ZMYM5: variants seen among roughly 807,000 people sequenced by gnomAD.
ZMYM5 encodes the protein zinc finger MYM-type containing 5, also known as zinc finger MYM-type protein 5.
In ZMYM5, 41 loss-of-function variants were observed where a neutral mutation model predicts 61.8. The observed-to-expected ratio is 0.66, with a 90% CI of 0.52 to 0.86. The LOEUF (loss-of-function observed/expected upper bound fraction) is 0.86, where lower values mean the gene tolerates loss of function less well. Among genes scored for constraint, ZMYM5 ranks in the 40% least tolerant of loss-of-function variants. The probability of loss-of-function intolerance (pLI) is 0.00; values close to 1 mark genes in which losing one functional copy is unlikely to be tolerated. For missense variants in ZMYM5, 706 were observed against 786.7 expected (o/e 0.90, Z 1.23); for synonymous variants, 257 against 276.4 (o/e 0.93, Z 0.70).
intron 4 of ZMYM5, among the ~76,000 whole-genome samples, chr13:19,849,537 A>T (rs1269188894): frequency 6.6e-6 from 1 of 152,246 alleles, no homozygotes; most frequent in African/African-American, 2.4e-5. Context: ...GATTGAAAGC[A>T]AACAAACCAA....
At chr13:19,833,388 A>C (rs1372835026) in intron 7 of ZMYM5, among the ~76,000 whole-genome samples, 1 of 152,214 alleles carries the variant, frequency 6.6e-6, no homozygotes, top group East Asian at 1.9e-4. Context: ...AATTTGTTAA[A>C]AAATCTTGTT....
At chr13:19,860,446 GTA>G (rs747218264) in intron 2 of ZMYM5, among the ~76,000 whole-genome samples, 10,369 of 124,926 alleles carry the variant, frequency 0.083, 415 homozygotes, top group African/African-American at 0.11. Flanking sequence ...GTGTGTGTGT[GTA>G]TGTGTGTGTG....
chr13:19,862,745 C>T (rs377758011), intron 1 of ZMYM5, among the ~76,000 whole-genome samples: 1 of 152,200 alleles, frequency 6.6e-6, no homozygotes, highest in Admixed American at 6.5e-5. Context: ...GAAGGGTAAA[C>T]GTCGTCTCGA....
Position 19,824,837 on chromosome 13 carries a change from A to C in ZMYM5, c.1650T>G (p.Phe550Leu). ...ACTTCCTCCCTGTATTATCTTTTGG[A>C]AAGTTAAAATTTCTTACTTGAGGCG... ...NVPPQVRNFNFPKDNTGRKFS... is the reference protein window; with the variant it reads ...NVPPQVRNFNLPKDNTGRKFS... Residue 550 changes from phenylalanine to leucine, a missense_variant, in exon 8 of 8, where the codon TTT (phenylalanine) becomes TTG (leucine). Transcript: ENST00000337963. 7.4e-7 allele frequency: 1 copy of C among 1,352,166 alleles called. No individual in the cohort carries two copies. Among genetic ancestry groups the C allele is most frequent in the Non-Finnish European group, 9.9e-7 (1 of 1,013,046 alleles). The allele number at this position is 1,352,166 out of a possible 1,614,324, so 83.8% of individuals were successfully genotyped here.
intron 6 of ZMYM5, chr13:19,837,374 T>C: frequency 7.3e-7 from 1 of 1,363,450 alleles, no homozygotes; most frequent in Non-Finnish European, 9.5e-7. Flanking sequence ...CATTTTTATT[T>C]AATGTCATCA....
chr13:19,853,751 T>C (rs1290733751), intron 2 of ZMYM5, among the ~76,000 whole-genome samples: 1 of 151,856 alleles, frequency 6.6e-6, no homozygotes, highest in Non-Finnish European at 1.5e-5. Context: ...GCTACTATTT[T>C]TTGTATTTTT....
intron 2 of ZMYM5, among the ~76,000 whole-genome samples, chr13:19,859,476 C>T (rs977897512): frequency 1.1e-4 from 17 of 152,202 alleles, no homozygotes; most frequent in Admixed American, 9.2e-4. Context: ...GATCTTGGCT[C>T]ACTGCAAGCT....
At chr13:19,837,117 C>T (rs1051181593) in intron 6 of ZMYM5, among the ~76,000 whole-genome samples, 6 of 151,928 alleles carry the variant, frequency 3.9e-5, no homozygotes, top group South Asian at 2.1e-4. Flanking sequence ...CTGCAGCCTC[C>T]GCCTCCCTGG....
intron 2 of ZMYM5, among the ~76,000 whole-genome samples, chr13:19,855,135 G>C (rs1953456233): frequency 6.6e-6 from 1 of 152,048 alleles, no homozygotes; most frequent in African/African-American, 2.4e-5. Flanking sequence ...TGGGAGAATT[G>C]CTTGAGCCCA....
intron 2 of ZMYM5, among the ~76,000 whole-genome samples, chr13:19,860,874 A>T (rs954754370): frequency 2.1e-5 from 3 of 145,412 alleles, no homozygotes; most frequent in East Asian, 4.2e-4. Context: ...GATAAGGATT[A>T]TATCTCAGGT....
In ZMYM5 at chr13:19,844,137, CAA is replaced by C. The variant is rs1228066138; in HGVS notation, c.587-5154_587-5153del. On this transcript the variant is annotated intron_variant, in intron 4 of 7. Coordinates refer to ENST00000337963, the MANE Select transcript of ZMYM5 (RefSeq NM_001142684.2). The stretch of plus-strand genomic sequence containing the variant: ...TGGGTGACAGAGTGAGACTCCGTCT[CAA>C]AAAAAAAAAAAAAAAAAAATTAGCT... Among the ~76,000 whole-genome samples the C allele has an allele frequency of 7.5e-3, 490 of 65,504 alleles. 1 individual carries two copies. Among genetic ancestry groups the C allele is most frequent in the South Asian group, 0.049 (94 of 1,918 alleles). 43.0% of individuals were successfully genotyped at this position (65,504 alleles called of 152,430 possible).
At chr13:19,837,406 A>G (rs1952706732) in intron 6 of ZMYM5, 3 of 1,484,716 alleles carry the variant, frequency 2.0e-6, no homozygotes, top group African/African-American at 1.5e-5. Flanking sequence ...ATCCACCATA[A>G]AACAATTGCC....
chr13:19,840,093 C>A (rs1952815515), intron 4 of ZMYM5, among the ~76,000 whole-genome samples: 1 of 152,196 alleles, frequency 6.6e-6, no homozygotes, highest in Non-Finnish European at 1.5e-5. Flanking sequence ...GATGGTGAAG[C>A]TTTGAGAAAC....
At chr13:19,834,037 C>A (rs745508229) in intron 7 of ZMYM5, among the ~76,000 whole-genome samples, 1 of 152,212 alleles carries the variant, frequency 6.6e-6, no homozygotes, top group Non-Finnish European at 1.5e-5. Flanking sequence ...AGCGCAATGG[C>A]GCAATCTCCG....
At chr13:19,862,679 G>A (rs900867492) in intron 1 of ZMYM5, among the ~76,000 whole-genome samples, 2 of 152,330 alleles carry the variant, frequency 1.3e-5, no homozygotes, top group East Asian at 3.9e-4. Context: ...TCCAACTGCA[G>A]TACTGGGGAT....
At chr13:19,847,444 C>T (rs1953113147) in intron 4 of ZMYM5, among the ~76,000 whole-genome samples, 2 of 152,114 alleles carry the variant, frequency 1.3e-5, no homozygotes, top group African/African-American at 4.8e-5. Flanking sequence ...CAAAATACTA[C>T]AACAGACTCA....
intron 6 of ZMYM5, among the ~76,000 whole-genome samples, 190 bp from the exon 7 acceptor site, chr13:19,835,879 A>G (rs1952658756): frequency 6.6e-6 from 1 of 151,730 alleles, no homozygotes; most frequent in South Asian, 2.1e-4. Flanking sequence ...GCTGGAGTGC[A>G]GTGGCACAAT....
rs141205884 is a variant in ZMYM5 at position 19,825,264 on chromosome 13, T to C, written c.1252-29A>G. 1.8e-3 allele frequency: 2,189 copies of C among 1,215,192 alleles called. 38 individuals are homozygous for C. The African/African-American group carries it at 0.032, about 18-fold the overall frequency. The allele number at this position is 1,215,192 out of a possible 1,614,324, so 75.3% of individuals were successfully genotyped here. ...AGGACAAAGAGGATTATAATTTTAT[T>C]TTAGGTTAAACTTTTAAAAATTAAT... is the stretch of plus-strand genomic sequence containing the variant. On this transcript the variant is annotated intron_variant, in intron 7 of 7. Transcript: ENST00000337963.
rs765495467 is a variant in ZMYM5, at chr13:19,851,481, T to C, written c.493-33A>G. 7.5e-6 allele frequency: 12 copies of C among 1,606,616 alleles called. No individual in the cohort carries two copies. The Admixed American group carries it at 2.0e-4, about 27-fold the overall frequency. ...GTTAAAGATGGGGTGTACGTTTGTA[T>C]ATTAACACCAAAATTACTTGACTGA... On this transcript the variant is annotated intron_variant, in intron 3 of 7. Coordinates refer to ENST00000337963, the MANE Select transcript of ZMYM5 (RefSeq NM_001142684.2).
Sources: allele counts gnomAD v4.1 joint callset (sites outside exome capture counted in the v4.1 genomes callset), GRCh38; gene constraint gnomAD v4.1.1; transcripts MANE v1.5; gene names NCBI Gene and HGNC (gene_info 2026-07-23, HGNC 2026-07-21).